The following ZNF280D variants were observed in gnomAD, a reference collection of about 807,000 sequenced individuals.
The protein encoded by ZNF280D is suppressor of hairy wing homolog 4.
In ZNF280D, 39 loss-of-function variants were observed where a neutral mutation model predicts 94.7. The observed-to-expected ratio is 0.41, with a 90% CI of 0.32 to 0.54. The LOEUF (loss-of-function observed/expected upper bound fraction) is 0.54. ZNF280D is among the 20% of genes least tolerant of loss of function. ZNF280D has a pLI of 0.22. For synonymous variants in ZNF280D, 398 were observed against 377.6 expected, an observed-to-expected ratio of 1.05 and a Z score of -0.63; for missense variants, 1,090 against 1,149.3, an observed-to-expected ratio of 0.95 and a Z score of 0.75.
intron 19 of ZNF280D, among the ~76,000 whole-genome samples, chr15:56,643,808 A>G (rs2052745258): frequency 6.6e-6 from 1 of 151,892 alleles, no homozygotes; most frequent in African/African-American, 2.4e-5. Context: ...GTTAAGTGAT[A>G]CATAATTTTA....
chr15:56,638,037 C>T (rs533258215), intron 20 of ZNF280D, among the ~76,000 whole-genome samples: 1 of 152,068 alleles, frequency 6.6e-6, no homozygotes, highest in Non-Finnish European at 1.5e-5. Context: ...TAAAGAATGA[C>T]TGTCAAACTA....
At chr15:56,721,307 C>T (rs987723592) in intron 1 of ZNF280D, among the ~76,000 whole-genome samples, 17 of 152,228 alleles carry the variant, frequency 1.1e-4, no homozygotes, top group South Asian at 1.0e-3. Flanking sequence ...AGGATTTTCA[C>T]AATGGTAAAT....
intron 9 of ZNF280D, among the ~76,000 whole-genome samples, chr15:56,685,342 A>G (rs1380099886): frequency 7.2e-5 from 2 of 27,672 alleles, no homozygotes; most frequent in Non-Finnish European, 2.1e-4. Context: ...ATAAGGTAAA[A>G]AAACAAAACA....
chr15:56,685,362 AAAAC>A (rs1414994516), intron 9 of ZNF280D, among the ~76,000 whole-genome samples: 52 of 152,138 alleles, frequency 3.4e-4, no homozygotes, highest in African/African-American at 1.2e-3. Flanking sequence ...AAAACAAAAC[AAAAC>A]AAACAAAAAT....
intron 16 of ZNF280D, among the ~76,000 whole-genome samples, chr15:56,665,198 G>C (rs1312596842): frequency 6.6e-6 from 1 of 152,158 alleles, no homozygotes; most frequent in African/African-American, 2.4e-5. Context: ...GAAAGCAGTA[G>C]TTGATAATGA....
At chr15:56,719,348 A>C (rs565046323) in intron 1 of ZNF280D, among the ~76,000 whole-genome samples, 1 of 108,112 alleles carries the variant, frequency 9.2e-6, no homozygotes, top group East Asian at 3.0e-4. Flanking sequence ...AAAACAAAAA[A>C]CAAAAAACCA....
intron 19 of ZNF280D, among the ~76,000 whole-genome samples, chr15:56,651,660 T>G (rs771164157): frequency 6.6e-6 from 1 of 151,558 alleles, no homozygotes; most frequent in Non-Finnish European, 1.5e-5. Flanking sequence ...TCCCCAAACC[T>G]CCACCAGGAA....
intron 16 of ZNF280D, among the ~76,000 whole-genome samples, chr15:56,663,797 G>A (rs181122860): frequency 4.5e-4 from 69 of 152,266 alleles, no homozygotes; most frequent in Admixed American, 2.0e-3. Flanking sequence ...CTACTCAGGA[G>A]GCTAACACAG....
intron 18 of ZNF280D, 32 bp downstream of exon 18, chr15:56,654,353 A>G (rs1239131041): frequency 6.3e-7 from 1 of 1,595,318 alleles, no homozygotes; most frequent in Non-Finnish European, 8.5e-7. Flanking sequence ...TAAAAGTCAA[A>G]AATCTAAAGT....
Position 56,681,784 on chromosome 15 carries a change from A to C in ZNF280D, c.1004+470T>G, listed in dbSNP as rs374375396. On this transcript the variant is annotated intron_variant, in intron 10 of 21. Transcript: ENST00000267807. ...CAGACATGCTTCCTAGAACTGATAC[A>C]TCTCTAAAACTGATAATTTTTCCTG... Among the ~76,000 whole-genome samples, 11 of 152,226 alleles carry C rather than the reference A, an allele frequency of 7.2e-5. No individual in the cohort carries two copies. In the East Asian group the frequency reaches 2.1e-3, roughly 29 times the overall value.
chr15:56,723,802 C>A (rs1462234706), intron 1 of ZNF280D, among the ~76,000 whole-genome samples: 1 of 152,130 alleles, frequency 6.6e-6, no homozygotes, highest in African/African-American at 2.4e-5. Flanking sequence ...TATATAGTTG[C>A]TCTTCAGCTT....
chr15:56,726,285 C>CT (rs1402647500), intron 1 of ZNF280D, among the ~76,000 whole-genome samples: 2 of 151,726 alleles, frequency 1.3e-5, no homozygotes, highest in Admixed American at 1.3e-4. Context: ...GGGTGGAACT[C>CT]TAACTGTCCA....
At chr15:56,676,028 G>T (rs1377901297) in intron 13 of ZNF280D, among the ~76,000 whole-genome samples, 1 of 151,360 alleles carries the variant, frequency 6.6e-6, no homozygotes, top group East Asian at 1.9e-4. Flanking sequence ...TTCAAGGGAG[G>T]GGTACAAGCA....
intron 19 of ZNF280D, 117 bp downstream of exon 19, chr15:56,654,081 A>C (rs1307824752): frequency 1.3e-6 from 2 of 1,510,326 alleles, no homozygotes; most frequent in East Asian, 2.3e-5. Context: ...TTTAAAAAAA[A>C]AACAAAAAAA....
Position 56,679,224 on chromosome 15 carries a change from T to C in ZNF280D, c.1005-403A>G, listed in dbSNP as rs1000496932. Reference sequence around the variant, plus strand: ...CATACTTGGAATCCTATTTACATTTTAAAATAAAACACTAAAATAAAGGAA... The same window carrying C: ...CATACTTGGAATCCTATTTACATTTCAAAATAAAACACTAAAATAAAGGAA... On this transcript the variant is annotated intron_variant, in intron 10 of 21. Transcript: ENST00000267807. 1.6e-4 allele frequency among the ~76,000 whole-genome samples: 24 copies of C among 152,146 alleles called. 1 individual carries two copies. The highest frequency in any genetic ancestry group is 7.2e-4 in the Admixed American group (11 of 15,278).
At chr15:56,729,597 G>C (rs770449293) in intron 1 of ZNF280D, among the ~76,000 whole-genome samples, 4 of 152,188 alleles carry the variant, frequency 2.6e-5, no homozygotes, top group African/African-American at 7.2e-5. Context: ...ACTTGGAAGA[G>C]AATGATTTGA....
At chr15:56,689,258 A>C (rs1430373043) in intron 8 of ZNF280D, 42 bp downstream of exon 8, 3 of 1,577,430 alleles carry the variant, frequency 1.9e-6, no homozygotes, top group Non-Finnish European at 1.7e-6. Context: ...ATGTATGTAT[A>C]AATACTATAA....
chr15:56,652,030 G>C (rs1463594725), intron 19 of ZNF280D, among the ~76,000 whole-genome samples: 1 of 139,546 alleles, frequency 7.2e-6, no homozygotes, highest in Non-Finnish European at 1.5e-5. Flanking sequence ...AAAATTCCTA[G>C]AGACAAATAA....
chr15:56,710,116 G>A (rs1466692125), intron 1 of ZNF280D, among the ~76,000 whole-genome samples: 6 of 152,210 alleles, frequency 3.9e-5, no homozygotes, highest in African/African-American at 1.2e-4. Flanking sequence ...AAGACAGCCC[G>A]AAAAGGACGG....
Sources: gnomAD v4.1 joint callset for allele counts (sites outside exome capture counted in the v4.1 genomes callset) on GRCh38, gnomAD v4.1.1 for gene constraint, MANE v1.5 for transcripts, NCBI Gene and HGNC (gene_info 2026-07-23, HGNC 2026-07-21) for gene names.